Variants in EBF2 observed in about 807,000 individuals in gnomAD.
EBF2 encodes transcription factor COE2.
Under a neutral mutation model 72.8 loss-of-function variants are expected in EBF2, and 21 were observed. The observed-to-expected ratio is 0.29, with a 90% CI of 0.20 to 0.42. The LOEUF is 0.42. Among genes scored for constraint, EBF2 ranks in the 10% least tolerant of loss-of-function variants. The pLI is 1.00. For synonymous variants in EBF2, 299 were observed against 274.2 expected (o/e 1.09, Z -0.89); for missense variants, 637 against 731.2 (o/e 0.87, Z 1.49).
intron 5 of EBF2, among the ~76,000 whole-genome samples, chr8:26,035,173 C>G (rs1024252688): frequency 6.6e-6 from 1 of 151,462 alleles, no homozygotes; most frequent in Non-Finnish European, 1.5e-5. Flanking sequence ...GACAGGGTCT[C>G]CCTTTGTTGC....
At position 26,042,031 on chromosome 8, in the gene EBF2, A is replaced by T. The variant is rs542343373; in HGVS notation, c.288+64T>A. The T allele has an allele frequency of 5.1e-6, 8 of 1,572,174 alleles. No homozygotes were observed. The East Asian group carries it at 1.8e-4, about 35-fold the overall frequency. On this transcript the variant is annotated intron_variant, in intron 2 of 15. Coordinates refer to ENST00000520164, the MANE Select transcript of EBF2 (RefSeq NM_022659.4). ...AAGTGTCGCGAGAGTGACAGATGGA[A>T]TCTTTAGTGCTTCGCAAGAGGGAGT... is the stretch of plus-strand genomic sequence containing the variant.
At chr8:25,879,229 T>G (rs960767280) in intron 10 of EBF2, among the ~76,000 whole-genome samples, 3 of 152,194 alleles carry the variant, frequency 2.0e-5, no homozygotes, top group African/African-American at 7.2e-5. Context: ...ATGCCTTTCA[T>G]GTAAATAAAT....
chr8:25,913,170 C>A (rs1379603148), intron 6 of EBF2, among the ~76,000 whole-genome samples: 8 of 152,056 alleles, frequency 5.3e-5, no homozygotes, highest in Non-Finnish European at 1.2e-4. Context: ...AGGCCAGGTG[C>A]GGTGGCTCAC....
intron 6 of EBF2, among the ~76,000 whole-genome samples, chr8:25,912,998 C>T (rs573454422): frequency 6.6e-6 from 1 of 152,262 alleles, no homozygotes; most frequent in East Asian, 1.9e-4. Context: ...AAGGTAACTA[C>T]TTAATATTCT....
intron 1 of EBF2, 64 bp from the exon 2 acceptor site, chr8:26,042,315 AC>A (rs1285300298): frequency 3.4e-5 from 53 of 1,542,408 alleles, no homozygotes; most frequent in Non-Finnish European, 4.4e-5. Flanking sequence ...GATGTTACTA[AC>A]CGCCCACAAC....
At chr8:25,870,838 C>T (rs1463861899) in intron 10 of EBF2, among the ~76,000 whole-genome samples, 4 of 151,942 alleles carry the variant, frequency 2.6e-5, no homozygotes, top group African/African-American at 9.7e-5. Context: ...CCCTGCCAGA[C>T]TTCATAGGCA....
intron 14 of EBF2, among the ~76,000 whole-genome samples, chr8:25,851,422 T>G (rs947025418): frequency 1.3e-5 from 2 of 152,086 alleles, no homozygotes; most frequent in African/African-American, 4.8e-5. Flanking sequence ...ATTAGTGATA[T>G]TAACATTAAA....
chr8:25,910,592 A>G (rs1339145639), intron 6 of EBF2, among the ~76,000 whole-genome samples: 3 of 152,232 alleles, frequency 2.0e-5, no homozygotes, highest in Non-Finnish European at 4.4e-5. Flanking sequence ...GAAAAGTGCA[A>G]AAGAGATAAA....
At chr8:25,852,932 C>A (rs1802012460) in intron 14 of EBF2, among the ~76,000 whole-genome samples, 1 of 152,116 alleles carries the variant, frequency 6.6e-6, no homozygotes, top group Non-Finnish European at 1.5e-5. Flanking sequence ...TCAGTGAAAT[C>A]AGCATTGTGC....
intron 15 of EBF2, among the ~76,000 whole-genome samples, chr8:25,848,580 C>A (rs12546901): frequency 0.31 from 46,884 of 152,092 alleles, 7,408 homozygotes; most frequent in South Asian, 0.41. Flanking sequence ...TGTCCTGGCC[C>A]CATTGTAGGC....
At chr8:25,976,913 G>A (rs888449022) in intron 6 of EBF2, among the ~76,000 whole-genome samples, 17 of 152,306 alleles carry the variant, frequency 1.1e-4, no homozygotes, top group African/African-American at 4.1e-4. Context: ...ACATTAAAAG[G>A]AACGCTCTGT....
intron 7 of EBF2, among the ~76,000 whole-genome samples, chr8:25,898,194 A>G (rs1802889331): frequency 6.6e-6 from 1 of 152,220 alleles, no homozygotes; most frequent in African/African-American, 2.4e-5. Flanking sequence ...GGGAAGAATC[A>G]GCATAAATTG....
rs73677226 is a variant in EBF2, at chr8:25,854,287, A to G, written c.1529-3526T>C. Among the ~76,000 whole-genome samples, 432 of 151,806 alleles carry G rather than the reference A, an allele frequency of 2.8e-3. 3 individuals carry two copies. Among genetic ancestry groups the G allele is most frequent in the African/African-American group, 9.9e-3 (408 of 41,302 alleles). ...TGAATAAATCCTCACATTCCTGGGA[A>G]ACACTTGGTGATTGTAGTCAACTTT... On this transcript the variant is annotated intron_variant, in intron 14 of 15. Coordinates refer to ENST00000520164, the MANE Select transcript of EBF2 (RefSeq NM_022659.4).
At chr8:25,965,077 G>A (rs554357990) in intron 6 of EBF2, among the ~76,000 whole-genome samples, 1 of 151,994 alleles carries the variant, frequency 6.6e-6, no homozygotes, top group South Asian at 2.1e-4. Flanking sequence ...CCATTATTTG[G>A]TATTAAAACA....
At chr8:26,040,135 T>G (rs1585237977) in intron 4 of EBF2, 34 bp from the exon 5 acceptor site, 1 of 1,601,932 alleles carries the variant, frequency 6.2e-7, no homozygotes, top group Non-Finnish European at 8.5e-7. Context: ...AAGGAAGATG[T>G]GGAGAGGGGT....
chr8:25,932,139 C>G (rs1402078842), intron 6 of EBF2, among the ~76,000 whole-genome samples: 1 of 152,058 alleles, frequency 6.6e-6, no homozygotes, highest in Admixed American at 6.6e-5. Context: ...GGCAGAAGAC[C>G]TGGGTTCTAG....
rs991521533 is a variant in EBF2 at position 25,905,346 on chromosome 8, C to T, written c.633+3128G>A. Reference sequence around the variant, plus strand: ...GAAATTCTGTTCTTAGTTGTATACCCAAGAGAATTAAAAACATATGTCACA... The same window carrying T: ...GAAATTCTGTTCTTAGTTGTATACCTAAGAGAATTAAAAACATATGTCACA... On this transcript the variant is annotated intron_variant, in intron 7 of 15. Transcript: ENST00000520164. Among the ~76,000 whole-genome samples, 5 of 152,208 alleles carry T rather than the reference C, an allele frequency of 3.3e-5. No homozygotes were observed. The South Asian group carries it at 1.0e-3, about 32-fold the overall frequency.
At chr8:25,925,528 T>C (rs62499092) in intron 6 of EBF2, among the ~76,000 whole-genome samples, 2,080 of 152,328 alleles carry the variant, frequency 0.014, 24 homozygotes, top group South Asian at 0.043. Flanking sequence ...GAGTGTATGC[T>C]CTCACCCCCC....
chr8:26,020,425 CAGCAT>C (rs1805186366), intron 6 of EBF2, among the ~76,000 whole-genome samples: 1 of 152,164 alleles, frequency 6.6e-6, no homozygotes, highest in Non-Finnish European at 1.5e-5. Context: ...ACAGTGAAAC[CAGCAT>C]TTTATTCTTC....
Sources: gnomAD v4.1 joint callset for allele counts (sites outside exome capture counted in the v4.1 genomes callset) on GRCh38, gnomAD v4.1.1 for gene constraint, MANE v1.5 for transcripts, NCBI Gene and HGNC (gene_info 2026-07-23, HGNC 2026-07-21) for gene names.